The following CDC123 variants were observed in gnomAD, a reference collection of about 807,000 sequenced individuals.
CDC123 encodes translation initiation factor eIF2 assembly protein.
Under a neutral mutation model 54.4 loss-of-function variants are expected in CDC123, and 37 were observed. The observed-to-expected ratio is 0.68, with a 90% CI of 0.52 to 0.89. The LOEUF is 0.89. CDC123 is among the 40% of genes least tolerant of loss of function. The probability of loss-of-function intolerance (pLI) is 0.00; values close to 1 mark genes in which losing one functional copy is unlikely to be tolerated. For synonymous variants in CDC123, 144 were observed against 136.8 expected, an observed-to-expected ratio of 1.05 and a Z score of -0.37; for missense variants, 361 against 412.1, an observed-to-expected ratio of 0.88 and a Z score of 1.07.
chr10:12,225,655 A>G (rs4478891), intron 6 of CDC123, among the ~76,000 whole-genome samples: 78,132 of 150,742 alleles, frequency 0.52, 20,715 homozygotes, highest in Middle Eastern at 0.64. Flanking sequence ...TTTAGAAATC[A>G]CCCAATACCA....
intron 2 of CDC123, 57 bp downstream of exon 2, chr10:12,198,833 G>T: frequency 1.1e-6 from 1 of 900,986 alleles, no homozygotes; most frequent in East Asian, 2.4e-5. Flanking sequence ...CACATAAAAT[G>T]AATGAATTAG....
intron 1 of CDC123, among the ~76,000 whole-genome samples, chr10:12,197,225 A>G (rs534877405): frequency 1.3e-5 from 2 of 152,236 alleles, no homozygotes; most frequent in African/African-American, 2.4e-5. Context: ...CAGCAAATAG[A>G]CATATTAAGA....
chr10:12,226,676 G>T (rs956291966), intron 6 of CDC123, among the ~76,000 whole-genome samples: 18 of 140,956 alleles, frequency 1.3e-4, no homozygotes, highest in African/African-American at 3.9e-4. Context: ...GGGCAGAGGC[G>T]CTCCCCACAT....
intron 2 of CDC123, among the ~76,000 whole-genome samples, chr10:12,200,365 A>T (rs1246023284): frequency 6.6e-6 from 1 of 151,334 alleles, no homozygotes; most frequent in Non-Finnish European, 1.5e-5. Context: ...ACCTCAGGTG[A>T]TCCACCTGCT....
chr10:12,234,655 A>G (rs1835954729), intron 7 of CDC123, among the ~76,000 whole-genome samples: 3 of 152,110 alleles, frequency 2.0e-5, no homozygotes, highest in Admixed American at 1.3e-4. Context: ...CAGTTATGTG[A>G]CAAGGATGCA....
At chr10:12,214,193 G>A (rs1835636450) in intron 4 of CDC123, among the ~76,000 whole-genome samples, 1 of 152,178 alleles carries the variant, frequency 6.6e-6, no homozygotes, top group Non-Finnish European at 1.5e-5. Flanking sequence ...CAAGCTTTAT[G>A]GGATAGGAAA....
chr10:12,206,847 T>C (rs1835528869), intron 2 of CDC123, among the ~76,000 whole-genome samples: 1 of 151,272 alleles, frequency 6.6e-6, no homozygotes, highest in African/African-American at 2.4e-5. Context: ...GAGTCCCAGC[T>C]ACTCGGGAGG....
At chr10:12,228,200 G>A (rs557237218) in intron 6 of CDC123, among the ~76,000 whole-genome samples, 36 of 152,158 alleles carry the variant, frequency 2.4e-4, no homozygotes, top group Admixed American at 4.6e-4. Flanking sequence ...CTTCCAAAGT[G>A]TTGGGATTAC....
chr10:12,237,201 A>C lies in CDC123; in HGVS notation c.623A>C (p.Glu208Ala). The C allele has an allele frequency of 6.3e-7, 1 of 1,591,208 alleles. No individual in the cohort carries two copies. ...GATCATATTTCTAAACAAAAGGAAGAAATTCGCAGATGCATACAAGACTTT... is the reference window on the plus strand; with the variant it reads ...GATCATATTTCTAAACAAAAGGAAGCAATTCGCAGATGCATACAAGACTTT... ...YYDHISKQKE[E>A]IRRCIQDFFK... Residue 208 changes from glutamate (E) to alanine (A), a missense_variant, in exon 9 of 13, where the codon GAA (glutamate) becomes GCA (alanine). Coordinates refer to ENST00000281141, the MANE Select transcript of CDC123 (RefSeq NM_006023.3).
intron 7 of CDC123, among the ~76,000 whole-genome samples, chr10:12,231,694 T>C (rs1835904219): frequency 6.6e-6 from 1 of 152,048 alleles, no homozygotes; most frequent in South Asian, 2.1e-4. Flanking sequence ...TTGATGAGTT[T>C]AAACATAGTA....
chr10:12,250,430 G>C lies in CDC123; in HGVS notation c.*93G>C. The C allele has an allele frequency of 2.1e-6, 2 of 949,594 alleles. No homozygotes were observed. Among genetic ancestry groups the C allele is most frequent in the Non-Finnish European group, 3.5e-6 (2 of 574,730 alleles). The allele number at this position is 949,594 out of a possible 1,614,324, so 58.8% of individuals were successfully genotyped here. A position where few individuals can be genotyped will look rare whatever the true frequency, so the allele number is the denominator to read the frequency against. ...ACTTCCTGCCGACCCTGATGCGGGT[G>C]GGCCGAGCAGTGTGGACATCAGCCA... On this transcript the variant is annotated 3_prime_UTR_variant, in exon 13 of 13. Coordinates refer to ENST00000281141, the MANE Select transcript of CDC123 (RefSeq NM_006023.3).
intron 11 of CDC123, among the ~76,000 whole-genome samples, chr10:12,249,209 G>GGA (rs1836203694): frequency 6.6e-6 from 1 of 151,846 alleles, no homozygotes; most frequent in African/African-American, 2.4e-5. Flanking sequence ...GGCCAAGGCA[G>GGA]GAGGATTGCT....
intron 10 of CDC123, among the ~76,000 whole-genome samples, chr10:12,242,139 C>T (rs1442105999): frequency 2.0e-5 from 3 of 152,192 alleles, no homozygotes; most frequent in Non-Finnish European, 2.9e-5. Context: ...GCCAAAATAA[C>T]CTATTCCCGC....
At chr10:12,225,852 A>T (rs1252544683) in intron 6 of CDC123, among the ~76,000 whole-genome samples, 1 of 145,390 alleles carries the variant, frequency 6.9e-6, no homozygotes, top group Admixed American at 7.1e-5. Flanking sequence ...GAGGGAAGGT[A>T]AGCAGATAAA....
chr10:12,226,395 TGGGGGCTCTCCCCCACCTCCTGGA>T (rs1835815073), intron 6 of CDC123, among the ~76,000 whole-genome samples: 1 of 146,556 alleles, frequency 6.8e-6, no homozygotes, highest in South Asian at 2.2e-4. Flanking sequence ...GCTGGCCGGG[TGGGGGCTCTCCCCCACCTCCTGGA>T]GGGGGCAGCT....
chr10:12,205,949 C>T (rs142983129), intron 2 of CDC123, among the ~76,000 whole-genome samples: 1,585 of 151,734 alleles, frequency 0.01, 43 homozygotes, highest in Non-Finnish European at 0.013. Context: ...CAGGTGCCTG[C>T]GACCACGCCC....
At chr10:12,213,441 T>C (rs1188703055) in intron 4 of CDC123, among the ~76,000 whole-genome samples, 1 of 152,054 alleles carries the variant, frequency 6.6e-6, no homozygotes, top group Non-Finnish European at 1.5e-5. Flanking sequence ...GTCAAGGTCA[T>C]AAATGGTAAG....
rs10508441 is a variant in CDC123 at position 12,230,812 on chromosome 10, G to A, written c.441-136G>A. On this transcript the variant is annotated intron_variant, in intron 6 of 12. Coordinates refer to ENST00000281141, the MANE Select transcript of CDC123 (RefSeq NM_006023.3). ...ATTGAATACGGCTCAGTAAGTGTTC[G>A]TCGAATTTGAGTTAGTCTCCTGTTT... The A allele has an allele frequency of 5.8e-3, 4,496 of 771,452 alleles. 128 individuals carry two copies. In the African/African-American group the frequency reaches 0.069, roughly 12 times the overall value. The allele number at this position is 771,452 out of a possible 1,614,324, so 47.8% of individuals were successfully genotyped here.
At chr10:12,210,489 A>G (rs1835582914) in intron 4 of CDC123, among the ~76,000 whole-genome samples, 167 bp downstream of exon 4, 1 of 152,146 alleles carries the variant, frequency 6.6e-6, no homozygotes, top group Non-Finnish European at 1.5e-5. Flanking sequence ...TTGAAGCATC[A>G]TTTAGCAGGC....
Sources: allele counts gnomAD v4.1 joint callset (sites outside exome capture counted in the v4.1 genomes callset), GRCh38; gene constraint gnomAD v4.1.1; transcripts MANE v1.5; gene names NCBI Gene and HGNC (gene_info 2026-07-23, HGNC 2026-07-21).